ANKRD50: variants seen among roughly 807,000 people sequenced by gnomAD.
ANKRD50 encodes ankyrin repeat domain-containing protein 50.
In ANKRD50, 40 loss-of-function variants were observed where a neutral mutation model predicts 112.0. The observed-to-expected ratio is 0.36, with a 90% CI of 0.28 to 0.46. The LOEUF (loss-of-function observed/expected upper bound fraction) is 0.46, where lower values mean the gene tolerates loss of function less well. ANKRD50 is among the 20% of genes least tolerant of loss of function. The pLI, the probability that ANKRD50 is intolerant of heterozygous loss-of-function variation, is 1.00. For missense variants in ANKRD50, 1,487 were observed against 1,701.7 expected, an observed-to-expected ratio of 0.87 and a Z score of 2.22; for synonymous variants, 613 against 619.1, an observed-to-expected ratio of 0.99 and a Z score of 0.15.
intron 2 of ANKRD50, among the ~76,000 whole-genome samples, chr4:124,696,366 G>C (rs1725251957): frequency 6.6e-6 from 1 of 152,002 alleles, no homozygotes; most frequent in South Asian, 2.1e-4. Flanking sequence ...CAGAAAAAAT[G>C]AAAAAGATGT....
intron 2 of ANKRD50, among the ~76,000 whole-genome samples, chr4:124,688,183 A>AAAAGG (rs1025005022): frequency 6.6e-6 from 1 of 152,190 alleles, no homozygotes; most frequent in African/African-American, 2.4e-5. Context: ...GAAAAAACAA[A>AAAAGG]AAAGGAAAAA....
chr4:124,673,498 C>T (rs535133975), intron 3 of ANKRD50, among the ~76,000 whole-genome samples: 1 of 152,110 alleles, frequency 6.6e-6, no homozygotes, highest in East Asian at 1.9e-4. Context: ...CACTATGAGC[C>T]TGAACAGCCA....
chr4:124,710,381 C>T lies in ANKRD50; in HGVS notation c.131G>A (p.Cys44Tyr). 6.2e-7 allele frequency: 1 copy of T among 1,614,232 alleles called. No individual in the cohort carries two copies. Among genetic ancestry groups the T allele is most frequent in the Non-Finnish European group, 8.5e-7 (1 of 1,180,038 alleles). Residue 44 changes from cysteine to tyrosine, a missense_variant, in exon 2 of 5, where the codon TGC (cysteine) becomes TAC (tyrosine). Cys to Tyr is a radical substitution (Grantham distance 194, BLOSUM62 -2). Coordinates refer to ENST00000504087, the MANE Select transcript of ANKRD50 (RefSeq NM_020337.3). Reference sequence around the variant, plus strand: ...TGATGGTGCATTGACAGCACTATTGCAGCAGTTACTTTTCTCCTGGAGGCA... The same window carrying T: ...TGATGGTGCATTGACAGCACTATTGTAGCAGTTACTTTTCTCCTGGAGGCA... ...QHCLQEKSNC[C>Y]NSAVNAPSLV...
rs1730437291 is a variant in ANKRD50, at chr4:124,664,244, A to ACGG, written c.*3271_*3273dup. 1 of 141,696 alleles carries ACGG rather than the reference A, an allele frequency of 7.1e-6. No homozygotes were observed. The highest frequency in any genetic ancestry group is 2.4e-4 in the South Asian group (1 of 4,164). The allele number at this position is 141,696 out of a possible 1,614,324, so 8.8% of individuals were successfully genotyped here. The stretch of plus-strand genomic sequence containing the variant: ...GGTGTGATATAGTATATAATCAGTC[A>ACGG]CGGGGGGGAAAAGAACATTAAGTCT... On this transcript the variant is annotated 3_prime_UTR_variant, in exon 5 of 5. Coordinates refer to ENST00000504087, the MANE Select transcript of ANKRD50 (RefSeq NM_020337.3).
At chr4:124,674,859 A>T (rs1259286446) in intron 3 of ANKRD50, among the ~76,000 whole-genome samples, 1 of 151,926 alleles carries the variant, frequency 6.6e-6, no homozygotes, top group Non-Finnish European at 1.5e-5. Context: ...TGGTTATAAT[A>T]GTTATCTGTT....
At chr4:124,706,701 A>C (rs754151290) in intron 2 of ANKRD50, among the ~76,000 whole-genome samples, 2 of 152,054 alleles carry the variant, frequency 1.3e-5, no homozygotes, top group Non-Finnish European at 2.9e-5. Flanking sequence ...TGATAGGATT[A>C]CACCCTGATA....
chr4:124,706,740 G>A (rs970221179), intron 2 of ANKRD50, among the ~76,000 whole-genome samples: 1 of 151,982 alleles, frequency 6.6e-6, no homozygotes, highest in African/African-American at 2.4e-5. Context: ...AATATCTTAA[G>A]TCAAAAATGC....
At chr4:124,697,649 A>C (rs1295283471) in intron 2 of ANKRD50, among the ~76,000 whole-genome samples, 1 of 152,132 alleles carries the variant, frequency 6.6e-6, no homozygotes, top group African/African-American at 2.4e-5. Context: ...ATGCTCTTGG[A>C]TTTCCCAGCA....
chr4:124,682,322 CAAAAA>C (rs36107017), intron 2 of ANKRD50, among the ~76,000 whole-genome samples: 1 of 87,544 alleles, frequency 1.1e-5, no homozygotes, highest in South Asian at 3.8e-4. Flanking sequence ...GACTCCGTCT[CAAAAA>C]AAAAAAAAAA....
chr4:124,685,194 T>A (rs1334760721), intron 2 of ANKRD50, among the ~76,000 whole-genome samples: 2 of 152,192 alleles, frequency 1.3e-5, no homozygotes, highest in East Asian at 3.8e-4. Context: ...AATGTAGGCT[T>A]CAGGAGGGCA....
At chr4:124,706,649 T>G (rs938082734) in intron 2 of ANKRD50, among the ~76,000 whole-genome samples, 1 of 152,092 alleles carries the variant, frequency 6.6e-6, no homozygotes. Context: ...TCTATAACTA[T>G]TAAAATTGTT....
At chr4:124,692,643 A>G (rs1392368296) in intron 2 of ANKRD50, among the ~76,000 whole-genome samples, 1 of 151,256 alleles carries the variant, frequency 6.6e-6, no homozygotes, top group African/African-American at 2.5e-5. Flanking sequence ...ATGTTCTATA[A>G]GAGACCCCAG....
At position 124,669,656 on chromosome 4, in the gene ANKRD50, ATCAAT is replaced by A; in HGVS notation, c.3616_3620del (p.Ile1206Ter). The A allele has an allele frequency of 6.2e-7, 1 of 1,613,326 alleles. No individual in the cohort carries two copies. The highest frequency in any genetic ancestry group is 8.5e-7 in the Non-Finnish European group (1 of 1,179,754). Reference sequence around the variant, plus strand: ...CTGTAAATGACAAGTTATGAAAGCTATCAATTGGCACTGTTTGAGCCGTTGCTGTA... The same window carrying A: ...CTGTAAATGACAAGTTATGAAAGCTATGGCACTGTTTGAGCCGTTGCTGTA... On this transcript the variant is annotated frameshift_variant, in exon 4 of 5. Transcript: ENST00000504087. LOFTEE classifies it high-confidence loss of function.
At chr4:124,668,841 AG>A (rs1730556895) in intron 4 of ANKRD50, 142 bp downstream of exon 4, 1 of 673,578 alleles carries the variant, frequency 1.5e-6, no homozygotes, top group Non-Finnish European at 2.4e-6. Context: ...TCTGATGTAA[AG>A]GGGTGATGAG....
At chr4:124,697,085 G>A (rs1019178536) in intron 2 of ANKRD50, among the ~76,000 whole-genome samples, 9 of 152,080 alleles carry the variant, frequency 5.9e-5, no homozygotes, top group Admixed American at 3.3e-4. Context: ...AAGACTAAGG[G>A]AGCAGCAACA....
intron 3 of ANKRD50, among the ~76,000 whole-genome samples, chr4:124,673,194 T>C (rs1730699897): frequency 6.6e-6 from 1 of 152,084 alleles, no homozygotes; most frequent in Admixed American, 6.6e-5. Flanking sequence ...TAAACCAACC[T>C]AAAAATATAC....
chr4:124,682,445 C>A (rs1724913491), intron 2 of ANKRD50, among the ~76,000 whole-genome samples: 1 of 150,678 alleles, frequency 6.6e-6, no homozygotes, highest in East Asian at 2.0e-4. Context: ...TACGTACTTA[C>A]TGATTTTTGG....
In ANKRD50 at chr4:124,710,667, G is replaced by A. The variant is rs758191340; in HGVS notation, c.-156C>T. On this transcript the variant is annotated 5_prime_UTR_variant, in exon 2 of 5. In the 5' UTR this introduces an upstream ATG that the reference lacks. Coordinates refer to ENST00000504087, the MANE Select transcript of ANKRD50 (RefSeq NM_020337.3). ...CACAGAGTTCCTCTGTCAACAGAAC[G>A]TGCATGACTTTATTTGGTTCCTTAT... 1 of 878,190 alleles carries A rather than the reference G, an allele frequency of 1.1e-6. No individual in the cohort carries two copies. The highest frequency in any genetic ancestry group is 1.7e-6 in the Non-Finnish European group (1 of 575,200). The allele number at this position is 878,190 out of a possible 1,614,324, so 54.4% of individuals were successfully genotyped here. A position where few individuals can be genotyped will look rare whatever the true frequency, so the allele number is the denominator to read the frequency against.
intron 2 of ANKRD50, among the ~76,000 whole-genome samples, chr4:124,692,563 G>T (rs144149589): frequency 2.8e-4 from 42 of 152,294 alleles, no homozygotes; most frequent in African/African-American, 9.9e-4. Context: ...CCCCCAATGT[G>T]ATGGTATAAG....
Sources: gnomAD v4.1 joint callset for allele counts (sites outside exome capture counted in the v4.1 genomes callset) on GRCh38, gnomAD v4.1.1 for gene constraint, MANE v1.5 for transcripts, NCBI Gene and HGNC (gene_info 2026-07-23, HGNC 2026-07-21) for gene names.